The following SMIM20 variants were observed in gnomAD, a reference collection of about 807,000 sequenced individuals.
SMIM20 encodes the protein small integral membrane protein 20.
Under a neutral mutation model 8.7 loss-of-function variants are expected in SMIM20, and 3 were observed. That is an observed-to-expected ratio of 0.34 (90% CI 0.16 to 0.89). SMIM20 has a LOEUF of 0.89. Ranked by LOEUF, SMIM20 falls within the 40% of genes least tolerant of loss-of-function variation. The probability of loss-of-function intolerance (pLI) is 0.49; values close to 1 mark genes in which losing one functional copy is unlikely to be tolerated. For synonymous variants in SMIM20, 44 were observed against 33.6 expected, an observed-to-expected ratio of 1.31 and a Z score of -1.07; for missense variants, 85 against 84.8, an observed-to-expected ratio of 1.00 and a Z score of -0.01.
At chr4:25,920,119 G>A (rs1450699425) in intron 1 of SMIM20, among the ~76,000 whole-genome samples, 1 of 152,148 alleles carries the variant, frequency 6.6e-6, no homozygotes, top group African/African-American at 2.4e-5. Flanking sequence ...AGTTTGTCAC[G>A]CCATCCAAAT....
intron 1 of SMIM20, among the ~76,000 whole-genome samples, chr4:25,923,571 TCAGA>T (rs2109364938): frequency 6.6e-6 from 1 of 152,270 alleles, no homozygotes; most frequent in South Asian, 2.1e-4. Flanking sequence ...CATGATGCCT[TCAGA>T]CAGTGAAGAA....
intron 1 of SMIM20, among the ~76,000 whole-genome samples, chr4:25,923,576 C>A (rs1464601782): frequency 2.6e-5 from 4 of 152,144 alleles, no homozygotes; most frequent in African/African-American, 9.7e-5. Flanking sequence ...TGCCTTCAGA[C>A]AGTGAAGAAT....
At chr4:25,929,107 G>A in intron 2 of SMIM20, 47 bp from the exon 3 acceptor site, 2 of 1,547,514 alleles carry the variant, frequency 1.3e-6, no homozygotes, top group Non-Finnish European at 1.7e-6. Flanking sequence ...GAAAGTGGAA[G>A]GACATTTAAA....
rs1028283967 is a variant in SMIM20 at position 25,914,380 on chromosome 4, T to C, written c.67T>C (p.Tyr23His). 3.9e-6 allele frequency: 6 copies of C among 1,543,670 alleles called. No individual in the cohort carries two copies. The African/African-American group carries it at 6.9e-5, about 18-fold the overall frequency. ...CATCTCCCTGATCGGCGCCGCCTTC[T>C]ATCCCATCTACTTCCGGCCCCTAAT... ...GFISLIGAAFYPIYFRPLMRL... is the reference protein window; with the variant it reads ...GFISLIGAAFHPIYFRPLMRL... Residue 23 changes from tyrosine to histidine, a missense_variant, in exon 1 of 3, where the codon TAT becomes CAT. Coordinates refer to ENST00000506197, the MANE Select transcript of SMIM20 (RefSeq NM_001145432.3).
At position 25,916,985 on chromosome 4, in the gene SMIM20, C is replaced by A. The variant is rs140124246; in HGVS notation, c.109+2563C>A. Among the ~76,000 whole-genome samples, 17 of 152,262 alleles carry A rather than the reference C, an allele frequency of 1.1e-4. 1 individual carries two copies. The highest frequency in any genetic ancestry group is 4.1e-4 in the African/African-American group (17 of 41,546). ...TGTTTGGCACTCTTCTAAGCACTTC[C>A]TATATATTAACCCATTTAGTGTTGA... On this transcript the variant is annotated intron_variant, in intron 1 of 2. Coordinates refer to ENST00000506197, the MANE Select transcript of SMIM20 (RefSeq NM_001145432.3).
Position 25,925,115 on chromosome 4 carries a change from C to T in SMIM20, c.110-3198C>T, listed in dbSNP as rs141195112. Among the ~76,000 whole-genome samples the T allele has an allele frequency of 6.8e-3, 1,035 of 152,204 alleles. 8 individuals are homozygous for T. Among genetic ancestry groups the T allele is most frequent in the African/African-American group, 0.024 (984 of 41,528 alleles). On this transcript the variant is annotated intron_variant, in intron 1 of 2. Transcript: ENST00000506197. ...TCTGAAAAAAATCCTAAATCCAAAC[C>T]AATTCTGTTCTCAACCAATTTCAGA...
intron 1 of SMIM20, among the ~76,000 whole-genome samples, chr4:25,919,496 G>A (rs774136435): frequency 3.7e-5 from 5 of 135,786 alleles, no homozygotes; most frequent in Admixed American, 2.3e-4. Flanking sequence ...ATGCCACCAC[G>A]CCCGGCTAAT....
At chr4:25,922,846 G>A (rs1184648568) in intron 1 of SMIM20, among the ~76,000 whole-genome samples, 2 of 152,198 alleles carry the variant, frequency 1.3e-5, no homozygotes, top group African/African-American at 4.8e-5. Context: ...GGACAGGTAC[G>A]TTCCAGGGTC....
intron 1 of SMIM20, among the ~76,000 whole-genome samples, chr4:25,915,565 T>G (rs1577359335): frequency 6.6e-6 from 1 of 152,210 alleles, no homozygotes; most frequent in Non-Finnish European, 1.5e-5. Context: ...TAGCCAAGAC[T>G]GAAATGGCCA....
At position 25,914,435 on chromosome 4, in the gene SMIM20, T is replaced by G; in HGVS notation, c.109+13T>G. The G allele has an allele frequency of 1.1e-5, 16 of 1,462,776 alleles. No individual in the cohort carries two copies. Among genetic ancestry groups the G allele is most frequent in the Non-Finnish European group, 1.4e-5 (15 of 1,095,748 alleles). 90.6% of individuals were successfully genotyped at this position (1,462,776 alleles called of 1,614,324 possible). On this transcript the variant is annotated intron_variant, in intron 1 of 2. Transcript: ENST00000506197. ...TTGGAGGAGTACAGTGAGTGATCTC[T>G]AACCCCTTGCGGTGACCTGACTCCC...
In SMIM20 at chr4:25,929,260, C is replaced by A; in HGVS notation, c.*69C>A. 6.7e-7 allele frequency: 1 copy of A among 1,485,630 alleles called. No homozygotes were observed. The highest frequency in any genetic ancestry group is 9.2e-7 in the Non-Finnish European group (1 of 1,088,162). 92.0% of individuals were successfully genotyped at this position (1,485,630 alleles called of 1,614,324 possible). Reference sequence around the variant, plus strand: ...GCTTTCGATTCTGCATGGGGTACAGCCAGTCACCTCACCAGAGAATGACGG... The same window carrying A: ...GCTTTCGATTCTGCATGGGGTACAGACAGTCACCTCACCAGAGAATGACGG... On this transcript the variant is annotated 3_prime_UTR_variant, in exon 3 of 3. Coordinates refer to ENST00000506197, the MANE Select transcript of SMIM20 (RefSeq NM_001145432.3).
chr4:25,919,356 C>A (rs79551850), intron 1 of SMIM20, among the ~76,000 whole-genome samples: 1 of 142,144 alleles, frequency 7.0e-6, no homozygotes, highest in Non-Finnish European at 1.6e-5. Flanking sequence ...TTTTTTTTTT[C>A]TTGAGACAGT....
In SMIM20 at chr4:25,928,377, GAAAA is replaced by G; in HGVS notation, c.166+16_166+19del. On this transcript the variant is annotated intron_variant, in intron 2 of 2. Transcript: ENST00000506197. ...AGGATGTGCAGCCACCAGGTAAACT[GAAAA>G]AAAAAAATCAAAACCAAATCTTATT... 8.0e-7 allele frequency: 1 copy of G among 1,256,502 alleles called. No homozygotes were observed. Among genetic ancestry groups the G allele is most frequent in the South Asian group, 1.6e-5 (1 of 63,454 alleles). The allele number at this position is 1,256,502 out of a possible 1,614,324, so 77.8% of individuals were successfully genotyped here. A position where few individuals can be genotyped will look rare whatever the true frequency, so the allele number is the denominator to read the frequency against.
At chr4:25,922,295 T>G (rs925400898) in intron 1 of SMIM20, among the ~76,000 whole-genome samples, 4 of 151,888 alleles carry the variant, frequency 2.6e-5, no homozygotes, top group African/African-American at 9.7e-5. Flanking sequence ...GGAGGTGACA[T>G]GAGATCCTGA....
chr4:25,914,455 A>C, intron 1 of SMIM20, 33 bp downstream of exon 1: 2 of 1,410,792 alleles, frequency 1.4e-6, no homozygotes, highest in Non-Finnish European at 1.9e-6. Context: ...CGGTGACCTG[A>C]CTCCCCAACA....
chr4:25,929,023 G>A, intron 2 of SMIM20, 131 bp from the exon 3 acceptor site: 1 of 1,113,796 alleles, frequency 9.0e-7, no homozygotes, highest in Non-Finnish European at 1.3e-6. Context: ...CCGGCAGCCT[G>A]CTCACACCAT....
rs572688501 is a variant in SMIM20, at chr4:25,918,132, C to T, written c.109+3710C>T. ...TAATTTTTTGTATTATCAGTAGAGA[C>T]GGGGTTTCACCGTGTTAGCCAGGAT... On this transcript the variant is annotated intron_variant, in intron 1 of 2. Coordinates refer to ENST00000506197, the MANE Select transcript of SMIM20 (RefSeq NM_001145432.3). 1.5e-3 allele frequency among the ~76,000 whole-genome samples: 227 copies of T among 151,964 alleles called. 1 individual carries two copies. Among genetic ancestry groups the T allele is most frequent in the Middle Eastern group, 0.01 (3 of 294 alleles).
At chr4:25,914,446 G>A (rs1183626576) in intron 1 of SMIM20, 24 bp downstream of exon 1, 8 of 1,444,512 alleles carry the variant, frequency 5.5e-6, no homozygotes, top group Non-Finnish European at 6.4e-6. Flanking sequence ...AACCCCTTGC[G>A]GTGACCTGAC....
chr4:25,915,859 C>CGGGGGGGGGGGGGGGGG (rs1018553633), intron 1 of SMIM20, among the ~76,000 whole-genome samples: 1 of 40,252 alleles, frequency 2.5e-5, no homozygotes, highest in Admixed American at 2.9e-4. Flanking sequence ...TGGGATGGGG[C>CGGGGGGGGGGGGGGGGG]GGGGGGGGGG....
Sources: gnomAD v4.1 joint callset for allele counts (sites outside exome capture counted in the v4.1 genomes callset) on GRCh38, gnomAD v4.1.1 for gene constraint, MANE v1.5 for transcripts, NCBI Gene and HGNC (gene_info 2026-07-23, HGNC 2026-07-21) for gene names.